SLC8A1: variants seen among roughly 807,000 people sequenced by gnomAD.
SLC8A1 encodes the protein sodium/calcium exchanger 1.
A neutral mutation model predicts 68.3 loss-of-function variants in SLC8A1; 18 were observed. The observed-to-expected ratio is 0.26, with a 90% CI of 0.18 to 0.39. The LOEUF (loss-of-function observed/expected upper bound fraction) is 0.39. SLC8A1 is among the 10% of genes least tolerant of loss of function. The probability of loss-of-function intolerance (pLI) is 1.00; values close to 1 mark genes in which losing one functional copy is unlikely to be tolerated. For missense variants in SLC8A1, 985 were observed against 1,156.7 expected (o/e 0.85, Z 2.15); for synonymous variants, 475 against 415.5 (o/e 1.14, Z -1.74).
chr2:40,471,512 C>T (rs1703987243), intron 1 of SLC8A1, among the ~76,000 whole-genome samples: 1 of 152,240 alleles, frequency 6.6e-6, no homozygotes, highest in South Asian at 2.1e-4. Context: ...GTACTACCTC[C>T]CACCCCTGAT....
chr2:40,145,443 G>A (rs1329368252), intron 6 of SLC8A1, among the ~76,000 whole-genome samples: 1 of 152,158 alleles, frequency 6.6e-6, no homozygotes, highest in Non-Finnish European at 1.5e-5. Context: ...TGTATGTAAA[G>A]CGGTCTGGAA....
At chr2:40,133,334 CAT>C (rs1360995866) in intron 7 of SLC8A1, among the ~76,000 whole-genome samples, 1 of 148,676 alleles carries the variant, frequency 6.7e-6, no homozygotes, top group African/African-American at 2.5e-5. Context: ...TTAAAAATGA[CAT>C]AAATTTTCCC....
At chr2:40,240,315 T>G (rs1209681042) in intron 2 of SLC8A1, among the ~76,000 whole-genome samples, 1 of 152,174 alleles carries the variant, frequency 6.6e-6, no homozygotes, top group African/African-American at 2.4e-5. Flanking sequence ...AGAAGGCCCC[T>G]GAGACAGTGT....
At chr2:40,292,328 G>T (rs2069483953) in intron 2 of SLC8A1, among the ~76,000 whole-genome samples, 1 of 152,144 alleles carries the variant, frequency 6.6e-6, no homozygotes, top group Non-Finnish European at 1.5e-5. Context: ...TGTCTCTCAT[G>T]ATTTCCCCTG....
Position 40,309,470 on chromosome 2 carries a change from T to C in SLC8A1, c.1808+119003A>G, listed in dbSNP as rs574708620. On this transcript the variant is annotated intron_variant, in intron 2 of 7. Coordinates refer to ENST00000406785, the Ensembl canonical transcript of SLC8A1. ...TTCTCAAATGTCTAAGCAGGTCATA[T>C]TGTGTAAATGAATGATCTCCTGAAT... Among the ~76,000 whole-genome samples, 4 of 152,168 alleles carry C rather than the reference T, an allele frequency of 2.6e-5. No individual in the cohort carries two copies. In the South Asian group the frequency reaches 8.3e-4, roughly 32 times the overall value.
intron 2 of SLC8A1, among the ~76,000 whole-genome samples, chr2:40,186,413 T>C (rs925513005): frequency 6.6e-6 from 1 of 152,158 alleles, no homozygotes; most frequent in Non-Finnish European, 1.5e-5. Flanking sequence ...GATTTGGGGT[T>C]AGGGAAAGGG....
At chr2:40,246,395 T>G (rs2061870174) in intron 2 of SLC8A1, among the ~76,000 whole-genome samples, 1 of 152,224 alleles carries the variant, frequency 6.6e-6, no homozygotes, top group Admixed American at 6.5e-5. Context: ...GCAACTAAAT[T>G]TTTTTCTTGA....
chr2:40,445,734 G>C (rs1701316716), intron 1 of SLC8A1, among the ~76,000 whole-genome samples: 1 of 152,200 alleles, frequency 6.6e-6, no homozygotes, highest in Admixed American at 6.5e-5. Flanking sequence ...ACAGGGAGGA[G>C]TCAGGGGAAA....
intron 2 of SLC8A1, among the ~76,000 whole-genome samples, chr2:40,283,136 C>A (rs975524810): frequency 1.3e-5 from 2 of 152,132 alleles, no homozygotes; most frequent in African/African-American, 4.8e-5. Flanking sequence ...AACAACTAGT[C>A]CACTCTGTTA....
At chr2:40,185,562 G>T (rs1333775873) in intron 2 of SLC8A1, among the ~76,000 whole-genome samples, 1 of 152,142 alleles carries the variant, frequency 6.6e-6, no homozygotes, top group African/African-American at 2.4e-5. Context: ...ACAGAAAGCA[G>T]ATTAGTGATT....
At chr2:40,351,552 A>G (rs1671087245) in intron 2 of SLC8A1, among the ~76,000 whole-genome samples, 2 of 151,384 alleles carry the variant, frequency 1.3e-5, no homozygotes, top group Non-Finnish European at 2.9e-5. Context: ...AATGTACTAG[A>G]GTCAAGTAGA....
intron 2 of SLC8A1, among the ~76,000 whole-genome samples, chr2:40,355,722 A>G (rs1460308829): frequency 6.6e-6 from 1 of 152,126 alleles, no homozygotes; most frequent in Non-Finnish European, 1.5e-5. Context: ...ACACTGGTCC[A>G]CTGCTCCAGG....
At chr2:40,451,229 C>T (rs1464105201) in intron 1 of SLC8A1, among the ~76,000 whole-genome samples, 1 of 152,160 alleles carries the variant, frequency 6.6e-6, no homozygotes, top group Non-Finnish European at 1.5e-5. Context: ...CTTCCAATCT[C>T]TTGGGGAAAG....
chr2:40,220,725 G>A (rs984340711), intron 2 of SLC8A1, among the ~76,000 whole-genome samples: 1 of 152,016 alleles, frequency 6.6e-6, no homozygotes, highest in Non-Finnish European at 1.5e-5. Context: ...TATTTGTCTC[G>A]CTCTTTCTAG....
chr2:40,136,306 G>A (rs1440861280), intron 7 of SLC8A1, among the ~76,000 whole-genome samples: 3 of 152,190 alleles, frequency 2.0e-5, no homozygotes, highest in Admixed American at 1.3e-4. Context: ...TGCCAGTAGA[G>A]TATGAGCATT....
intron 2 of SLC8A1, among the ~76,000 whole-genome samples, chr2:40,352,794 T>TAACA (rs1480684889): frequency 6.6e-6 from 1 of 152,174 alleles, no homozygotes; most frequent in African/African-American, 2.4e-5. Context: ...GGCTTTAAGT[T>TAACA]AACACCAGGA....
intron 2 of SLC8A1, among the ~76,000 whole-genome samples, chr2:40,263,314 C>T (rs2064946006): frequency 6.6e-6 from 1 of 152,130 alleles, no homozygotes; most frequent in African/African-American, 2.4e-5. Context: ...CATATAATAG[C>T]AACACAGTGC....
At chr2:40,261,759 T>G (rs1310613146) in intron 2 of SLC8A1, among the ~76,000 whole-genome samples, 1 of 152,054 alleles carries the variant, frequency 6.6e-6, no homozygotes, top group African/African-American at 2.4e-5. Flanking sequence ...GTCGTTGCAC[T>G]GTGCTTTTCA....
At chr2:40,331,516 A>G (rs935301833) in intron 2 of SLC8A1, among the ~76,000 whole-genome samples, 1 of 152,236 alleles carries the variant, frequency 6.6e-6, no homozygotes, top group African/African-American at 2.4e-5. Flanking sequence ...AGTTAACTGC[A>G]TAAAATAGGA....
Sources: gnomAD v4.1 joint callset for allele counts (sites outside exome capture counted in the v4.1 genomes callset) on GRCh38, gnomAD v4.1.1 for gene constraint, MANE v1.5 for transcripts, NCBI Gene and HGNC (gene_info 2026-07-23, HGNC 2026-07-21) for gene names.